The following RELN variants were observed in gnomAD, a reference collection of about 807,000 sequenced individuals.
RELN encodes the protein reelin.
A neutral mutation model predicts 427.6 loss-of-function variants in RELN; 108 were observed. The ratio of observed to expected loss-of-function variants is 0.25; its 90% CI spans 0.22 to 0.30. The LOEUF (loss-of-function observed/expected upper bound fraction) is 0.30, where lower values mean the gene tolerates loss of function less well. RELN is among the 10% of genes least tolerant of loss of function. The probability of loss-of-function intolerance (pLI) is 1.00; values close to 1 mark genes in which losing one functional copy is unlikely to be tolerated. For missense variants in RELN, 3,715 were observed against 4,302.8 expected (o/e 0.86, Z 3.82); for synonymous variants, 1,524 against 1,513.4 (o/e 1.01, Z -0.16).
chr7:103,651,844 TC>T, intron 14 of RELN, 55 bp from the exon 15 acceptor site: 1 of 1,583,308 alleles, frequency 6.3e-7, no homozygotes, highest in Non-Finnish European at 8.6e-7. Context: ...AGATAACAAA[TC>T]AAATGAAATT....
chr7:103,903,012 T>C (rs918236321), intron 2 of RELN, among the ~76,000 whole-genome samples: 5 of 152,138 alleles, frequency 3.3e-5, no homozygotes. Flanking sequence ...AGAGTATTTA[T>C]AAGTCAATGA....
chr7:103,951,367 A>AAT (rs1300257297), intron 1 of RELN, among the ~76,000 whole-genome samples: 4 of 152,238 alleles, frequency 2.6e-5, no homozygotes, highest in Non-Finnish European at 5.9e-5. Flanking sequence ...TTGGAAGGGA[A>AAT]ATAAATGTTA....
chr7:103,971,185 A>G (rs1212492231), intron 1 of RELN, among the ~76,000 whole-genome samples: 2 of 151,900 alleles, frequency 1.3e-5, no homozygotes, highest in Non-Finnish European at 2.9e-5. Flanking sequence ...AGGGAAAAAA[A>G]GGTAGTCAAG....
chr7:103,615,244 T>G (rs918826776), intron 20 of RELN, among the ~76,000 whole-genome samples: 3 of 152,314 alleles, frequency 2.0e-5, no homozygotes, highest in African/African-American at 7.2e-5. Context: ...AGGATTACCT[T>G]TCTAGCCTTC....
intron 63 of RELN, 81 bp from the exon 64 acceptor site, chr7:103,478,475 T>C (rs1442726771): frequency 1.4e-6 from 1 of 715,058 alleles, no homozygotes; most frequent in Non-Finnish European, 2.6e-6. Context: ...GCACTGTGAT[T>C]AGTCATAAAA....
Position 103,897,030 on chromosome 7 carries a change from C to G in RELN, c.337+20045G>C, listed in dbSNP as rs554103603. ...TCTTACACGGCAGCAGGCAAGAAAG[C>G]TTGTGTAGGGGAACTCCCCTTTATA... is the stretch of plus-strand genomic sequence containing the variant. On this transcript the variant is annotated intron_variant, in intron 2 of 64. Transcript: ENST00000428762. Among the ~76,000 whole-genome samples, 5 of 152,022 alleles carry G rather than the reference C, an allele frequency of 3.3e-5. No homozygotes were observed. The South Asian group carries it at 1.0e-3, about 32-fold the overall frequency.
chr7:103,934,945 C>T (rs890913770), intron 1 of RELN, among the ~76,000 whole-genome samples: 3 of 152,168 alleles, frequency 2.0e-5, no homozygotes, highest in Admixed American at 6.5e-5. Context: ...CTTACCTAGA[C>T]GTTTAAATAG....
chr7:103,881,451 C>T (rs957726786), intron 2 of RELN, among the ~76,000 whole-genome samples: 6 of 151,764 alleles, frequency 4.0e-5, no homozygotes, highest in African/African-American at 1.2e-4. Flanking sequence ...ACAGAAAGAG[C>T]TTTAGGTTCA....
chr7:103,784,642 G>A (rs1384239793), intron 3 of RELN, among the ~76,000 whole-genome samples: 3 of 152,052 alleles, frequency 2.0e-5, no homozygotes, highest in Admixed American at 1.3e-4. Context: ...TGTTCTCTCT[G>A]CCTCTTCTAA....
chr7:103,870,830 T>C (rs1794314587), intron 2 of RELN, among the ~76,000 whole-genome samples: 1 of 152,076 alleles, frequency 6.6e-6, no homozygotes. Flanking sequence ...TCATGAGCAA[T>C]ATCCATCCAC....
intron 6 of RELN, among the ~76,000 whole-genome samples, chr7:103,733,093 G>GA (rs1418132738): frequency 6.6e-6 from 1 of 151,872 alleles, no homozygotes; most frequent in African/African-American, 2.4e-5. Flanking sequence ...AAATTTACAA[G>GA]AAAAAAACAA....
chr7:103,491,942 A>T lies in RELN; in HGVS notation c.9443+11T>A. On this transcript the variant is annotated intron_variant, in intron 58 of 64. Transcript: ENST00000428762. ...AAGTTTGAAGATAATGTTAAAAATT[A>T]TTTCACAAACCTTGCATCCTTAGTG... The T allele has an allele frequency of 6.2e-7, 1 of 1,605,526 alleles. No homozygotes were observed. The highest frequency in any genetic ancestry group is 8.5e-7 in the Non-Finnish European group (1 of 1,173,844).
At chr7:103,517,177 C>CT (rs35531504) in intron 49 of RELN, among the ~76,000 whole-genome samples, 2,454 of 144,278 alleles carry the variant, frequency 0.017, 67 homozygotes, top group African/African-American at 0.056. Flanking sequence ...TTCCCTGCAC[C>CT]TTTTTTTTTT....
chr7:103,819,474 G>C (rs2116366742), intron 3 of RELN, among the ~76,000 whole-genome samples: 2 of 152,170 alleles, frequency 1.3e-5, no homozygotes, highest in East Asian at 3.9e-4. Flanking sequence ...CAACTTAACT[G>C]TTTAAATAAA....
intron 1 of RELN, among the ~76,000 whole-genome samples, chr7:103,966,335 C>A (rs1211393495): frequency 6.6e-6 from 1 of 152,156 alleles, no homozygotes; most frequent in African/African-American, 2.4e-5. Context: ...TTCACACACA[C>A]CACACTCACC....
At chr7:103,880,497 G>A (rs926515054) in intron 2 of RELN, among the ~76,000 whole-genome samples, 1 of 152,064 alleles carries the variant, frequency 6.6e-6, no homozygotes, top group African/African-American at 2.4e-5. Context: ...TTCAGTGGAA[G>A]AGTCCCTCCT....
chr7:103,923,967 A>G (rs763523758), intron 1 of RELN, among the ~76,000 whole-genome samples: 3 of 152,148 alleles, frequency 2.0e-5, no homozygotes, highest in Non-Finnish European at 2.9e-5. Flanking sequence ...CTATAATTAT[A>G]CCCCTTTTAC....
chr7:103,762,269 G>C (rs1475543513), intron 4 of RELN, among the ~76,000 whole-genome samples: 1 of 152,152 alleles, frequency 6.6e-6, no homozygotes, highest in African/African-American at 2.4e-5. Flanking sequence ...TACTTGCTGT[G>C]CACAGTAGAA....
chr7:103,762,716 T>C (rs1791333106), intron 4 of RELN, among the ~76,000 whole-genome samples: 2 of 152,246 alleles, frequency 1.3e-5, no homozygotes. Flanking sequence ...GTTCCTTTTC[T>C]TCCTTATTGC....
Sources: allele counts gnomAD v4.1 joint callset (sites outside exome capture counted in the v4.1 genomes callset), GRCh38; gene constraint gnomAD v4.1.1; transcripts MANE v1.5; gene names NCBI Gene and HGNC (gene_info 2026-07-23, HGNC 2026-07-21).